RGP1: variants seen among roughly 807,000 people sequenced by gnomAD.
RGP1 encodes RGP1 partner of RAB6A GEF complex, also known as RAB6A-GEF complex partner protein 2.
Under a neutral mutation model 44.5 loss-of-function variants are expected in RGP1, and 28 were observed. That is an observed-to-expected ratio of 0.63 (90% confidence interval 0.47 to 0.86). The LOEUF (loss-of-function observed/expected upper bound fraction) is 0.86. RGP1 is among the 40% of genes least tolerant of loss of function. The pLI, the probability that RGP1 is intolerant of heterozygous loss-of-function variation, is 0.00. For synonymous variants in RGP1, 212 were observed against 196.7 expected (o/e 1.08, Z -0.65); for missense variants, 417 against 490.7 (o/e 0.85, Z 1.42).
chr9:35,759,028 T>A (rs1417656246), downstream of RGP1, among the ~76,000 whole-genome samples: 1 of 152,248 alleles, frequency 6.6e-6, no homozygotes, highest in Non-Finnish European at 1.5e-5. Flanking sequence ...TATGCTTGCT[T>A]TCACCAAAGC....
chr9:35,750,409 G>C (rs371304594), intron 3 of RGP1, 30 bp downstream of exon 3: 10 of 1,612,502 alleles, frequency 6.2e-6, no homozygotes, highest in South Asian at 2.2e-5. Context: ...CTGGGAGAGG[G>C]GGGGTGCGGA....
At chr9:35,776,014 A>G in the RGP1 span, among the ~76,000 whole-genome samples, 1 of 152,196 alleles carries the variant, frequency 6.6e-6, no homozygotes, top group Non-Finnish European at 1.5e-5. Context: ...CCTAGATTTG[A>G]AAGAAAAAAA....
Position 35,751,650 on chromosome 9 carries a change from C to A in RGP1, c.658C>A (p.Arg220=). 6.2e-7 allele frequency: 1 copy of A among 1,613,830 alleles called. No individual in the cohort carries two copies. The highest frequency in any genetic ancestry group is 1.1e-5 in the South Asian group (1 of 91,074). The stretch of plus-strand genomic sequence containing the variant: ...AGATCTATACAATATCAGTGATGGC[C>A]GAGGGAAAGTTGGGACGTTTGGCAT... ...SLHLYNISDG[R]GKVGTFGIFK... Residue 220 remains arginine, a synonymous_variant, in exon 7 of 9, where the codon CGA becomes AGA. Transcript: ENST00000378078.
In RGP1 at chr9:35,754,145, C is replaced by G. The variant is rs1304927436; in HGVS notation, c.*1271C>G. ...TTAGGGCCATTGCTGCTGCACAGCC[C>G]TCTCAGACCCTTCTTGGCCTCTGCT... On this transcript the variant is annotated 3_prime_UTR_variant, in exon 9 of 9. Transcript: ENST00000378078. The G allele has an allele frequency of 6.2e-7, 1 of 1,605,716 alleles. No homozygotes were observed.
At position 35,753,900 on chromosome 9, in the gene RGP1, A is replaced by T; in HGVS notation, c.*1026A>T. On this transcript the variant is annotated 3_prime_UTR_variant, in exon 9 of 9. Transcript: ENST00000378078. This position sits in a 1 kb window ranked among gnomAD's most constrained non-coding sequence, Gnocchi z 4.2. The stretch of plus-strand genomic sequence containing the variant: ...TTTGTCTTTCCTGTTTCACAGCTGG[A>T]GGAAGCCTGGGTATTTTGACACGGG... 4 of 1,554,422 alleles carry T rather than the reference A, an allele frequency of 2.6e-6. No individual in the cohort carries two copies. Among genetic ancestry groups the T allele is most frequent in the East Asian group, 2.3e-5 (1 of 44,334 alleles).
At chr9:35,766,828 A>T in the RGP1 span, among the ~76,000 whole-genome samples, 15 of 152,228 alleles carry the variant, frequency 9.9e-5, no homozygotes, top group Non-Finnish European at 2.1e-4. Flanking sequence ...GTAACTGTTC[A>T]GTAGTAAAAT....
rs1480536503 is a variant in RGP1 at position 35,750,895 on chromosome 9, AGTC to A, written c.394_396del (p.Val132del). 3 of 1,613,906 alleles carry A rather than the reference AGTC, an allele frequency of 1.9e-6. No individual in the cohort carries two copies. Among genetic ancestry groups the A allele is most frequent in the Non-Finnish European group, 2.5e-6 (3 of 1,179,884 alleles). ...GACCACCCTCCTTTCGGGGTCAGTC[AGTC>A]AAGTACGTCTACAAACTGACCATTG... On this transcript the variant is annotated inframe_deletion, in exon 5 of 9. Transcript: ENST00000378078.
chr9:35,782,509 C>A, the RGP1 span, among the ~76,000 whole-genome samples: 843 of 150,460 alleles, frequency 5.6e-3, 4 homozygotes, highest in Middle Eastern at 0.026. Context: ...TGCAGTGGCA[C>A]GACCTCGGCT....
rs546982207 is a variant in RGP1 at position 35,750,729 on chromosome 9, G to A, written c.325G>A (p.Glu109Lys). 6.2e-7 allele frequency: 1 copy of A among 1,613,986 alleles called. No individual in the cohort carries two copies. The highest frequency in any genetic ancestry group is 1.3e-5 in the African/African-American group (1 of 75,026). ...CTGTGACCTGAGGCTTGATCCTGGAGAGTCCAAATCATGTGAGTGATTGTC... is the reference window on the plus strand; with the variant it reads ...CTGTGACCTGAGGCTTGATCCTGGAAAGTCCAAATCATGTGAGTGATTGTC... ...LFCDLRLDPG[E>K]SKSYSYSEVL... The change falls in exon 4 of 9, where the codon GAG becomes AAG. Residue 109 changes from glutamate (E) to lysine (K), a missense_variant. Physicochemically the swap from Glu to Lys is moderately conservative, Grantham distance 56. Transcript: ENST00000378078.
Position 35,757,011 on chromosome 9 carries a change from TC to T in RGP1, c.*4139del, listed in dbSNP as rs1827366234. ...AGTGGTGAGGACCAGGCCCGCTGGG[TC>T]CTGGGGGCGCGGTGGCTGGCGCGCA... On this transcript the variant is annotated 3_prime_UTR_variant, in exon 9 of 9. Coordinates refer to ENST00000378078, the MANE Select transcript of RGP1 (RefSeq NM_001080496.3). 6.6e-6 allele frequency: 1 copy of T among 151,886 alleles called. No homozygotes were observed. The highest frequency in any genetic ancestry group is 2.4e-5 in the African/African-American group (1 of 41,218). The allele number at this position is 151,886 out of a possible 1,614,324, so 9.4% of individuals were successfully genotyped here. A position where few individuals can be genotyped will look rare whatever the true frequency, so the allele number is the denominator to read the frequency against.
Position 35,757,869 on chromosome 9 carries a change from G to A in RGP1, c.*4995G>A, listed in dbSNP as rs948496041. 6 of 152,186 alleles carry A rather than the reference G, an allele frequency of 3.9e-5. No homozygotes were observed. Among genetic ancestry groups the A allele is most frequent in the African/African-American group, 1.2e-4 (5 of 41,450 alleles). The allele number at this position is 152,186 out of a possible 1,614,324, so 9.4% of individuals were successfully genotyped here. A position where few individuals can be genotyped will look rare whatever the true frequency, so the allele number is the denominator to read the frequency against. ...CACATTTTTATAGTCATTTAAAATT[G>A]TATGACTCTGTCAAATGATTTAAGT... On this transcript the variant is annotated 3_prime_UTR_variant, in exon 9 of 9. Coordinates refer to ENST00000378078, the MANE Select transcript of RGP1 (RefSeq NM_001080496.3).
the RGP1 span, among the ~76,000 whole-genome samples, chr9:35,769,390 G>A: frequency 2.0e-5 from 3 of 149,986 alleles, no homozygotes; most frequent in African/African-American, 5.1e-5. Flanking sequence ...TTTCTCATTC[G>A]CTCATTCTTT....
the RGP1 span, among the ~76,000 whole-genome samples, chr9:35,768,952 C>G: frequency 6.6e-6 from 1 of 152,190 alleles, no homozygotes; most frequent in African/African-American, 2.4e-5. Flanking sequence ...TGTGAAGATG[C>G]ACAAGACCTT....
Position 35,750,347 on chromosome 9 carries a change from C to T in RGP1, c.221C>T (p.Pro74Leu). ...GACTCTAGTCAGCCAGATGTCCAGC[C>T]CGACAGCCAGACTGTCTTTCTGCCA... ...PPDSSQPDVQ[P>L]DSQTVFLPHR... is the part of the protein sequence containing the mutation. The change falls in exon 3 of 9, where the codon CCC (proline) becomes CTC (leucine). Residue 74 changes from proline to leucine, a missense_variant. Physicochemically the swap from Pro to Leu is moderately conservative, Grantham distance 98 (BLOSUM62 -3). Coordinates refer to ENST00000378078, the MANE Select transcript of RGP1 (RefSeq NM_001080496.3). 6.2e-7 allele frequency: 1 copy of T among 1,614,002 alleles called. No homozygotes were observed. The highest frequency in any genetic ancestry group is 1.3e-5 in the African/African-American group (1 of 75,050).
the RGP1 span, among the ~76,000 whole-genome samples, chr9:35,768,495 C>T: frequency 6.6e-5 from 10 of 152,192 alleles, no homozygotes; most frequent in African/African-American, 2.4e-4. Flanking sequence ...GTTTCTGTTG[C>T]ATGCATCTGA....
chr9:35,774,710 C>A, the RGP1 span, among the ~76,000 whole-genome samples: 2 of 151,726 alleles, frequency 1.3e-5, no homozygotes, highest in East Asian at 1.9e-4. Flanking sequence ...GGCGACAGAG[C>A]AAGACTCTGT....
the RGP1 span, among the ~76,000 whole-genome samples, chr9:35,783,540 T>C: frequency 6.6e-6 from 1 of 152,176 alleles, no homozygotes; most frequent in Non-Finnish European, 1.5e-5. Flanking sequence ...GTTTTTGTTT[T>C]TTTTTTTAGA....
chr9:35,770,330 G>A, the RGP1 span, among the ~76,000 whole-genome samples: 5 of 152,212 alleles, frequency 3.3e-5, no homozygotes, highest in Non-Finnish European at 4.4e-5. Context: ...AAAATCATGT[G>A]TCTTGTTTGG....
downstream of RGP1, among the ~76,000 whole-genome samples, chr9:35,762,875 A>T (rs1252372004): frequency 2.6e-5 from 4 of 152,206 alleles, no homozygotes; most frequent in Admixed American, 2.0e-4. Context: ...TAAAAAAAAA[A>T]AGTTAAAGGC....
Sources: gnomAD v4.1 joint callset for allele counts (sites outside exome capture counted in the v4.1 genomes callset) on GRCh38, gnomAD v4.1.1 for gene constraint, Gnocchi (gnomAD v3.1) non-coding constraint, MANE v1.5 for transcripts, NCBI Gene and HGNC (gene_info 2026-07-23, HGNC 2026-07-21) for gene names.